SCFD2: variants seen among roughly 807,000 people sequenced by gnomAD.
SCFD2 encodes the protein sec1 family domain containing 2, also known as sec1 family domain-containing protein 2.
SCFD2 carries 54 observed loss-of-function variants against 58.9 expected under a neutral mutation model. The ratio of observed to expected loss-of-function variants is 0.92; its 90% confidence interval spans 0.74 to 1.15. SCFD2 has a LOEUF of 1.15. Among genes scored for constraint, SCFD2 ranks in the 50% most tolerant of loss-of-function variants. SCFD2 has a pLI of 0.00. For synonymous variants in SCFD2, 321 were observed against 335.9 expected, an observed-to-expected ratio of 0.96 and a Z score of 0.49; for missense variants, 805 against 836.6, an observed-to-expected ratio of 0.96 and a Z score of 0.47.
In SCFD2 at chr4:53,229,918, T is replaced by C. The variant is rs568177399; in HGVS notation, c.1311+43908A>G. ...AGAATCTACAATGAACTCAAACAAA[T>C]TTACAAGAAAAAAACAAACAACCCC... On this transcript the variant is annotated intron_variant, in intron 4 of 8. Transcript: ENST00000401642. Among the ~76,000 whole-genome samples, 7 of 152,044 alleles carry C rather than the reference T, an allele frequency of 4.6e-5. No homozygotes were observed. In the East Asian group the frequency reaches 1.4e-3, roughly 29 times the overall value.
chr4:53,315,117 A>G (rs1732817918), intron 2 of SCFD2, among the ~76,000 whole-genome samples: 1 of 152,178 alleles, frequency 6.6e-6, no homozygotes, highest in South Asian at 2.1e-4. Flanking sequence ...TTATGCAAGC[A>G]TAATCCTAGC....
At chr4:53,244,095 G>T (rs1270835194) in intron 4 of SCFD2, among the ~76,000 whole-genome samples, 1 of 151,992 alleles carries the variant, frequency 6.6e-6, no homozygotes, top group Admixed American at 6.6e-5. Flanking sequence ...CATAAAACAA[G>T]ATCTTAAGGA....
chr4:53,221,541 C>T (rs992004995), intron 4 of SCFD2, among the ~76,000 whole-genome samples: 1 of 152,144 alleles, frequency 6.6e-6, no homozygotes, highest in East Asian at 1.9e-4. Flanking sequence ...ATGATGCCTC[C>T]CCATCTGTAA....
intron 4 of SCFD2, among the ~76,000 whole-genome samples, chr4:53,252,701 G>T (rs1039535195): frequency 6.6e-6 from 1 of 152,124 alleles, no homozygotes; most frequent in African/African-American, 2.4e-5. Context: ...GCTGAAACTG[G>T]ATCCTTTCCT....
In SCFD2 at chr4:52,894,424, G is replaced by C. The variant is rs145019148; in HGVS notation, c.1843-8558C>G. ...GAAAATAAATTATTTTCAGGAGACT[G>C]AGATCCAAACCACAAATTCCAGAAA... On this transcript the variant is annotated intron_variant, in intron 7 of 8. Transcript: ENST00000401642. Among the ~76,000 whole-genome samples the C allele has an allele frequency of 4.6e-3, 703 of 151,424 alleles. 5 individuals are homozygous for C. The highest frequency in any genetic ancestry group is 5.5e-3 in the Non-Finnish European group (376 of 68,022).
At chr4:52,874,391 A>C (rs1358129860) in intron 8 of SCFD2, among the ~76,000 whole-genome samples, 1 of 152,214 alleles carries the variant, frequency 6.6e-6, no homozygotes, top group Non-Finnish European at 1.5e-5. Context: ...TGCTAAATTG[A>C]ACTGGATCAT....
chr4:53,292,096 C>T (rs913410019), intron 3 of SCFD2, among the ~76,000 whole-genome samples: 2 of 151,588 alleles, frequency 1.3e-5, no homozygotes, highest in African/African-American at 2.4e-5. Flanking sequence ...TATAAAAACC[C>T]TAGAAGAAAA....
chr4:53,359,466 C>G (rs926102884), intron 1 of SCFD2, among the ~76,000 whole-genome samples: 6 of 152,130 alleles, frequency 3.9e-5, no homozygotes, highest in African/African-American at 1.4e-4. Context: ...CCTCTCAGGC[C>G]TGTAATCCCA....
intron 5 of SCFD2, among the ~76,000 whole-genome samples, chr4:53,089,159 A>G (rs1404043491): frequency 2.0e-5 from 3 of 152,174 alleles, no homozygotes; most frequent in Non-Finnish European, 4.4e-5. Flanking sequence ...TACCTAGTCT[A>G]TGGTAGTTTG....
chr4:52,902,709 C>T (rs1307716073), intron 7 of SCFD2, among the ~76,000 whole-genome samples: 1 of 152,196 alleles, frequency 6.6e-6, no homozygotes, highest in East Asian at 1.9e-4. Flanking sequence ...ATTTAATTCT[C>T]ATAATAGCCC....
Sources: gnomAD v4.1 joint callset for allele counts (sites outside exome capture counted in the v4.1 genomes callset) on GRCh38, gnomAD v4.1.1 for gene constraint, MANE v1.5 for transcripts, NCBI Gene and HGNC (gene_info 2026-07-23, HGNC 2026-07-21) for gene names.